The following CNST variants were observed in gnomAD, a reference collection of about 807,000 sequenced individuals.
The protein encoded by CNST is consortin.
CNST carries 39 observed loss-of-function variants against 72.4 expected under a neutral mutation model. The ratio of observed to expected loss-of-function variants is 0.54; its 90% CI spans 0.42 to 0.70. The LOEUF (loss-of-function observed/expected upper bound fraction) is 0.70, where lower values mean the gene tolerates loss of function less well. CNST is among the 30% of genes least tolerant of loss of function. CNST has a pLI of 0.00. For synonymous variants in CNST, 332 were observed against 320.1 expected (o/e 1.04, Z -0.40); for missense variants, 871 against 868.5 (o/e 1.00, Z -0.04).
chr1:246,665,985 TG>T lies in CNST; in HGVS notation c.*81del. The T allele has an allele frequency of 9.9e-7, 1 of 1,014,914 alleles. No homozygotes were observed. The highest frequency in any genetic ancestry group is 1.5e-6 in the Non-Finnish European group (1 of 681,680). The allele number at this position is 1,014,914 out of a possible 1,614,324, so 62.9% of individuals were successfully genotyped here. A position where few individuals can be genotyped will look rare whatever the true frequency, so the allele number is the denominator to read the frequency against. On this transcript the variant is annotated 3_prime_UTR_variant, in exon 11 of 11. Coordinates refer to ENST00000366513, the MANE Select transcript of CNST (RefSeq NM_152609.3). ...TAAACAGTTTTTCTTTCAGGAATTC[TG>T]TAGCATTCCCCCTTCCCTCTGTTAG... is the stretch of plus-strand genomic sequence containing the variant.
chr1:246,667,717 C>T lies in CNST; in HGVS notation c.*1812C>T, dbSNP rs1667442792. Reference sequence around the variant, plus strand: ...TAAGTGGTTCTATAAAAGCTATTCACAAGTTCTACTGTGATGGACATCCTC... The same window carrying T: ...TAAGTGGTTCTATAAAAGCTATTCATAAGTTCTACTGTGATGGACATCCTC... On this transcript the variant is annotated 3_prime_UTR_variant, in exon 11 of 11. Transcript: ENST00000366513. 6.6e-6 allele frequency: 1 copy of T among 152,220 alleles called. No homozygotes were observed. Among genetic ancestry groups the T allele is most frequent in the African/African-American group, 2.4e-5 (1 of 41,448 alleles). The allele number at this position is 152,220 out of a possible 1,614,324, so 9.4% of individuals were successfully genotyped here. A position where few individuals can be genotyped will look rare whatever the true frequency, so the allele number is the denominator to read the frequency against.
intron 2 of CNST, among the ~76,000 whole-genome samples, chr1:246,618,274 G>A (rs189872116): frequency 6.6e-6 from 1 of 152,286 alleles, no homozygotes; most frequent in East Asian, 1.9e-4. Flanking sequence ...AAACTATATA[G>A]GTCAGCAAGT....
chr1:246,583,571 A>T (rs1242320558), intron 1 of CNST, among the ~76,000 whole-genome samples: 1 of 152,082 alleles, frequency 6.6e-6, no homozygotes. Flanking sequence ...CTCTTGCCTC[A>T]TTGTATTTAG....
chr1:246,623,578 C>CTTCA (rs1664225124), intron 3 of CNST, among the ~76,000 whole-genome samples: 1 of 152,048 alleles, frequency 6.6e-6, no homozygotes, highest in Non-Finnish European at 1.5e-5. Flanking sequence ...ACAGTGAAAC[C>CTTCA]TCATCTCTTC....
At chr1:246,614,924 G>C (rs763598656) in intron 2 of CNST, among the ~76,000 whole-genome samples, 1 of 152,036 alleles carries the variant, frequency 6.6e-6, no homozygotes, top group Non-Finnish European at 1.5e-5. Flanking sequence ...AATATCTGCC[G>C]ATCAATGCTA....
intron 2 of CNST, among the ~76,000 whole-genome samples, chr1:246,593,823 C>T (rs371000469): frequency 6.6e-6 from 1 of 152,130 alleles, no homozygotes; most frequent in South Asian, 2.1e-4. Context: ...AGTGCAGTGG[C>T]GTGACCATGG....
intron 2 of CNST, among the ~76,000 whole-genome samples, chr1:246,612,923 G>A (rs1034159748): frequency 6.6e-6 from 1 of 152,042 alleles, no homozygotes; most frequent in Non-Finnish European, 1.5e-5. Context: ...CAGTGTTAGG[G>A]ACATACAAAG....
At chr1:246,579,008 G>A (rs1013164718) in intron 1 of CNST, among the ~76,000 whole-genome samples, 5 of 152,218 alleles carry the variant, frequency 3.3e-5, no homozygotes, top group South Asian at 4.1e-4. Flanking sequence ...ATGGCAAAGC[G>A]TAAGCACTAT....
In CNST at chr1:246,631,879, C is replaced by A. The variant is rs771649136; in HGVS notation, c.586-15C>A. 9.4e-6 allele frequency: 14 copies of A among 1,490,920 alleles called. No homozygotes were observed. The highest frequency in any genetic ancestry group is 1.7e-4 in the Middle Eastern group (1 of 5,826). The allele number at this position is 1,490,920 out of a possible 1,614,324, so 92.4% of individuals were successfully genotyped here. On this transcript the variant is annotated splice_polypyrimidine_tract_variant and intron_variant, in intron 3 of 10. Coordinates refer to ENST00000366513, the MANE Select transcript of CNST (RefSeq NM_152609.3). Reference sequence around the variant, plus strand: ...GTTAATTTAATTTTCTCTGTGTTTTCTTTGTTTTTAACAGATAGCAGAATC... The same window carrying A: ...GTTAATTTAATTTTCTCTGTGTTTTATTTGTTTTTAACAGATAGCAGAATC...
At chr1:246,602,290 A>G (rs1424076160) in intron 2 of CNST, among the ~76,000 whole-genome samples, 2 of 152,236 alleles carry the variant, frequency 1.3e-5, no homozygotes, top group African/African-American at 4.8e-5. Context: ...GCAAACATGT[A>G]TCATCTCGTG....
chr1:246,567,112 C>G (rs1659757969), intron 1 of CNST, among the ~76,000 whole-genome samples: 1 of 150,476 alleles, frequency 6.6e-6, no homozygotes. Context: ...CCATTCCTCT[C>G]TCTGGGCCAA....
chr1:246,593,729 G>A (rs1345992724), intron 2 of CNST, among the ~76,000 whole-genome samples: 1 of 152,018 alleles, frequency 6.6e-6, no homozygotes, highest in Admixed American at 6.6e-5. Context: ...TATCATTCAA[G>A]GGCAAATTCA....
chr1:246,614,790 C>T (rs1043896163), intron 2 of CNST, among the ~76,000 whole-genome samples: 4 of 151,930 alleles, frequency 2.6e-5, no homozygotes, highest in Non-Finnish European at 5.9e-5. Flanking sequence ...ATTTTTTATT[C>T]TCTTAATTAC....
Position 246,647,711 on chromosome 1 carries a change from G to A in CNST, c.1510G>A (p.Asp504Asn), listed in dbSNP as rs147344816. 6 of 1,614,052 alleles carry A rather than the reference G, an allele frequency of 3.7e-6. No homozygotes were observed. The highest frequency in any genetic ancestry group is 5.1e-6 in the Non-Finnish European group (6 of 1,180,044). The change falls in exon 9 of 11, where the codon GAC (aspartate) becomes AAC (asparagine). Residue 504 changes from aspartate to asparagine, a missense_variant. Physicochemically the swap from Asp to Asn is conservative, Grantham distance 23. Coordinates refer to ENST00000366513, the MANE Select transcript of CNST (RefSeq NM_152609.3). ...ATCACCACAGGCGCAGGCTGACTCA[G>A]ACGGTTCTGAGAATGTGCTCTGTGG... ...GKSPQAQADS[D>N]GSENVLCGNN...
At chr1:246,609,468 T>C (rs1184414852) in intron 2 of CNST, among the ~76,000 whole-genome samples, 2 of 152,116 alleles carry the variant, frequency 1.3e-5, no homozygotes, top group Non-Finnish European at 2.9e-5. Context: ...TCCCAGCTAC[T>C]TGGGAGGCTG....
chr1:246,663,695 A>G (rs1667234980), intron 10 of CNST, among the ~76,000 whole-genome samples: 1 of 152,152 alleles, frequency 6.6e-6, no homozygotes, highest in Non-Finnish European at 1.5e-5. Context: ...AGCCAAGATC[A>G]CACCATTGCA....
chr1:246,639,514 G>A (rs1665538946), intron 6 of CNST, among the ~76,000 whole-genome samples: 1 of 152,044 alleles, frequency 6.6e-6, no homozygotes, highest in Non-Finnish European at 1.5e-5. Flanking sequence ...GGTGACTGAG[G>A]GGGTGCTTAC....
At chr1:246,632,051 T>C in intron 4 of CNST, 127 bp downstream of exon 4, 1 of 625,902 alleles carries the variant, frequency 1.6e-6, no homozygotes, top group Non-Finnish European at 2.8e-6. Context: ...GTTTTGACAG[T>C]TGTATGTACC....
At chr1:246,617,471 A>G (rs1474307971) in intron 2 of CNST, among the ~76,000 whole-genome samples, 1 of 152,182 alleles carries the variant, frequency 6.6e-6, no homozygotes, top group Non-Finnish European at 1.5e-5. Context: ...GTTAAGTGAC[A>G]ATAAAGCTGT....
Sources: allele counts gnomAD v4.1 joint callset (sites outside exome capture counted in the v4.1 genomes callset), GRCh38; gene constraint gnomAD v4.1.1; transcripts MANE v1.5; gene names NCBI Gene and HGNC (gene_info 2026-07-23, HGNC 2026-07-21).